SNX22: variants seen among roughly 807,000 people sequenced by gnomAD.
SNX22 encodes sorting nexin 22.
Under a neutral mutation model 24.7 loss-of-function variants are expected in SNX22, and 23 were observed. The observed-to-expected ratio is 0.93, with a 90% confidence interval of 0.67 to 1.32. SNX22 has a LOEUF of 1.32. SNX22 is among the 40% of genes most tolerant of loss of function. The pLI, the probability that SNX22 is intolerant of heterozygous loss-of-function variation, is 0.00. For missense variants in SNX22, 261 were observed against 249.9 expected (o/e 1.04, Z -0.30); for synonymous variants, 99 against 104.0 (o/e 0.95, Z 0.29).
Position 64,154,537 on chromosome 15 carries a change from A to C in SNX22, c.*29A>C. On this transcript the variant is annotated 3_prime_UTR_variant, in exon 7 of 7. Coordinates refer to ENST00000325881, the MANE Select transcript of SNX22 (RefSeq NM_024798.3). The stretch of plus-strand genomic sequence containing the variant: ...GTCCAGAGGCCTTTGGCTGCCTCCT[A>C]AGAAAGTCATGTGCCTCTGTCCTAT... The C allele has an allele frequency of 6.2e-7, 1 of 1,611,686 alleles. No homozygotes were observed. Among genetic ancestry groups the C allele is most frequent in the African/African-American group, 1.3e-5 (1 of 74,954 alleles).
Position 64,156,699 on chromosome 15 carries a change from T to C in SNX22, c.*2191T>C, listed in dbSNP as rs1333524040. 6.2e-7 allele frequency: 1 copy of C among 1,613,628 alleles called. No homozygotes were observed. The highest frequency in any genetic ancestry group is 1.3e-5 in the African/African-American group (1 of 74,896). On this transcript the variant is annotated 3_prime_UTR_variant, in exon 7 of 7. Coordinates refer to ENST00000325881, the MANE Select transcript of SNX22 (RefSeq NM_024798.3). The surrounding 1 kb of genome is among the most constrained non-coding windows in gnomAD (Gnocchi z 6.4). ...TGAATCCCCGGTGAGGATTGCCCAG[T>C]AGTAGCCCTTGCTTCCACAACTCAC...
Position 64,151,753 on chromosome 15 carries a change from G to T in SNX22, c.-23G>T. The T allele has an allele frequency of 6.5e-7, 1 of 1,529,150 alleles. No individual in the cohort carries two copies. The highest frequency in any genetic ancestry group is 2.6e-5 in the East Asian group (1 of 38,882). The allele number at this position is 1,529,150 out of a possible 1,614,324, so 94.7% of individuals were successfully genotyped here. A position where few individuals can be genotyped will look rare whatever the true frequency, so the allele number is the denominator to read the frequency against. Reference sequence around the variant, plus strand: ...GTTAGGGCTCCGAGCCGAGCGCGCGGAGCAGCTGGGGCCGGGGCGCGGATG... The same window carrying T: ...GTTAGGGCTCCGAGCCGAGCGCGCGTAGCAGCTGGGGCCGGGGCGCGGATG... On this transcript the variant is annotated 5_prime_UTR_variant, in exon 1 of 7. Coordinates refer to ENST00000325881, the MANE Select transcript of SNX22 (RefSeq NM_024798.3).
chr15:64,153,477 GAGGGGC>G, intron 4 of SNX22, 138 bp downstream of exon 4: 1 of 1,467,594 alleles, frequency 6.8e-7, no homozygotes, highest in Non-Finnish European at 9.2e-7. Flanking sequence ...GACCTGGGTG[GAGGGGC>G]TTTTTTTTGG....
chr15:64,152,520 C>T, intron 2 of SNX22, 118 bp from the exon 3 acceptor site: 6 of 1,254,896 alleles, frequency 4.8e-6, no homozygotes, highest in Non-Finnish European at 6.8e-6. Flanking sequence ...CCACCACTCA[C>T]CAGGGTCTGT....
chr15:64,152,760 T>TG lies in SNX22; in HGVS notation c.264+20dup, dbSNP rs768090616. ...ACATCCAGGTATGCGAGAGCACAGT[T>TG]GGTTGCCCCCCGGCCTTCTGTGCCA... On this transcript the variant is annotated intron_variant, in intron 3 of 6. Coordinates refer to ENST00000325881, the MANE Select transcript of SNX22 (RefSeq NM_024798.3). 13 of 1,611,180 alleles carry TG rather than the reference T, an allele frequency of 8.1e-6. No homozygotes were observed. The highest frequency in any genetic ancestry group is 1.1e-5 in the Non-Finnish European group (13 of 1,177,556).
rs1310226331 is a variant in SNX22, at chr15:64,156,989, C to T, written c.*2481C>T. 16 of 1,433,212 alleles carry T rather than the reference C, an allele frequency of 1.1e-5. No homozygotes were observed. The highest frequency in any genetic ancestry group is 1.6e-5 in the Non-Finnish European group (16 of 1,031,458). The allele number at this position is 1,433,212 out of a possible 1,614,324, so 88.8% of individuals were successfully genotyped here. A position where few individuals can be genotyped will look rare whatever the true frequency, so the allele number is the denominator to read the frequency against. ...ACATTCGGGGCCAGGACTGAGGGGG[C>T]TTAACCTGTCCTCTGTGCCAGGCTA... On this transcript the variant is annotated 3_prime_UTR_variant, in exon 7 of 7. Transcript: ENST00000325881. This position sits in a 1 kb window ranked among gnomAD's most constrained non-coding sequence, Gnocchi z 6.4.
At position 64,157,062 on chromosome 15, in the gene SNX22, C is replaced by G. The variant is rs2081538671; in HGVS notation, c.*2554C>G. 1 of 831,466 alleles carries G rather than the reference C, an allele frequency of 1.2e-6. No homozygotes were observed. The highest frequency in any genetic ancestry group is 2.7e-5 in the East Asian group (1 of 37,450). The allele number at this position is 831,466 out of a possible 1,614,324, so 51.5% of individuals were successfully genotyped here. ...ATAAAAGCAGCGTCCTTCCTATCTT[C>G]TGGCCTCAGAGCCAAGCCATGCTGA... On this transcript the variant is annotated 3_prime_UTR_variant, in exon 7 of 7. Coordinates refer to ENST00000325881, the MANE Select transcript of SNX22 (RefSeq NM_024798.3). This position sits in a 1 kb window ranked among gnomAD's most constrained non-coding sequence, Gnocchi z 4.2.
Position 64,154,641 on chromosome 15 carries a change from C to T in SNX22, c.*133C>T. 8.2e-7 allele frequency: 1 copy of T among 1,218,444 alleles called. No individual in the cohort carries two copies. The highest frequency in any genetic ancestry group is 1.6e-5 in the South Asian group (1 of 62,888). The allele number at this position is 1,218,444 out of a possible 1,614,324, so 75.5% of individuals were successfully genotyped here. On this transcript the variant is annotated 3_prime_UTR_variant, in exon 7 of 7. Coordinates refer to ENST00000325881, the MANE Select transcript of SNX22 (RefSeq NM_024798.3). The stretch of plus-strand genomic sequence containing the variant: ...CCAGTGCCCAGTTGTGCCACATTCC[C>T]ACTCAAGGCTCAGAACTTGGCTCGC...
In SNX22 at chr15:64,152,532, C is replaced by T. The variant is rs1289791003; in HGVS notation, c.160-106C>T. 6 of 1,287,990 alleles carry T rather than the reference C, an allele frequency of 4.7e-6. No individual in the cohort carries two copies. In the Middle Eastern group the frequency reaches 5.4e-4, roughly 116 times the overall value. 79.8% of individuals were successfully genotyped at this position (1,287,990 alleles called of 1,614,324 possible). A position where few individuals can be genotyped will look rare whatever the true frequency, so the allele number is the denominator to read the frequency against. On this transcript the variant is annotated intron_variant, in intron 2 of 6. Transcript: ENST00000325881. ...GGTCCACCACTCACCAGGGTCTGTC[C>T]CAGTAGAGCCCGAAGGCGGGGGCGC...
In SNX22 at chr15:64,156,831, G is replaced by T. The variant is rs921118137; in HGVS notation, c.*2323G>T. 9.3e-6 allele frequency: 15 copies of T among 1,614,158 alleles called. No individual in the cohort carries two copies. Among genetic ancestry groups the T allele is most frequent in the Non-Finnish European group, 1.3e-5 (15 of 1,180,020 alleles). On this transcript the variant is annotated 3_prime_UTR_variant, in exon 7 of 7. Coordinates refer to ENST00000325881, the MANE Select transcript of SNX22 (RefSeq NM_024798.3). This position sits in a 1 kb window ranked among gnomAD's most constrained non-coding sequence, Gnocchi z 6.4. ...GCCGTTGGTGTCTTTGCCTGCGTTG[G>T]CCATGCTCACCCAGCCAGGCCCGTA...
rs1410853266 is a variant in SNX22 at position 64,154,234 on chromosome 15, G to A, written c.461-153G>A. The A allele has an allele frequency of 3.8e-6, 6 of 1,579,678 alleles. No homozygotes were observed. In the African/African-American group the frequency reaches 8.1e-5, roughly 21 times the overall value. ...TTTACCAAGCTGATGTGAAAAGAAT[G>A]TGACCTGGGAATGCGGAGGCTTCAT... On this transcript the variant is annotated intron_variant, in intron 6 of 6. Transcript: ENST00000325881.
Position 64,152,339 on chromosome 15 carries a change from C to G in SNX22, c.159+13C>G, listed in dbSNP as rs938311848. On this transcript the variant is annotated intron_variant, in intron 2 of 6. Transcript: ENST00000325881. Reference sequence around the variant, plus strand: ...GCTGCACAAGCGGGTGAGGCGGCGCCGACCTCCCACCGGCCCCGGCCCAGC... The same window carrying G: ...GCTGCACAAGCGGGTGAGGCGGCGCGGACCTCCCACCGGCCCCGGCCCAGC... 6.6e-7 allele frequency: 1 copy of G among 1,506,508 alleles called. No individual in the cohort carries two copies. 93.3% of individuals were successfully genotyped at this position (1,506,508 alleles called of 1,614,324 possible).
At position 64,155,851 on chromosome 15, in the gene SNX22, T is replaced by G; in HGVS notation, c.*1343T>G. 2 of 897,708 alleles carry G rather than the reference T, an allele frequency of 2.2e-6. No individual in the cohort carries two copies. The highest frequency in any genetic ancestry group is 3.4e-6 in the Non-Finnish European group (2 of 586,476). 55.6% of individuals were successfully genotyped at this position (897,708 alleles called of 1,614,324 possible). On this transcript the variant is annotated 3_prime_UTR_variant, in exon 7 of 7. Transcript: ENST00000325881. ...AAAAAAAACCCACATTTTTTTTTAT[T>G]GGTCAGTGTTGGTAGGAGTTTGTTA...
In SNX22 at chr15:64,152,714, G is replaced by C. The variant is rs774931673; in HGVS notation, c.236G>C (p.Arg79Pro). ...TGGAGGACCAGAGGGTTGGAACAGC[G>C]CCGGCAGGGCTTGGAGGCTTACATC... ...PNWRTRGLEQ[R>P]RQGLEAYIQG... Residue 79 changes from arginine (R) to proline (P), a missense_variant, in exon 3 of 7, where the codon CGC (arginine) becomes CCC (proline). By Grantham distance (103) the Arg-to-Pro change is moderately radical. Transcript: ENST00000325881. The C allele has an allele frequency of 1.9e-6, 3 of 1,614,196 alleles. No homozygotes were observed. The Admixed American group carries it at 5.0e-5, about 27-fold the overall frequency.
At chr15:64,152,182 G>T in intron 1 of SNX22, 61 bp from the exon 2 acceptor site, 1 of 1,339,182 alleles carries the variant, frequency 7.5e-7, no homozygotes, top group Non-Finnish European at 9.6e-7. Flanking sequence ...CCAGGCGCAG[G>T]TGCTGCGGCG....
At chr15:64,153,880 G>T in intron 5 of SNX22, 55 bp from the exon 6 acceptor site, 2 of 1,595,400 alleles carry the variant, frequency 1.3e-6, no homozygotes, top group Non-Finnish European at 1.7e-6. Flanking sequence ...CCACCCCTCT[G>T]TGGGATTCTG....
rs2081531084 is a variant in SNX22 at position 64,156,315 on chromosome 15, G to A, written c.*1807G>A. The A allele has an allele frequency of 1.1e-6, 1 of 912,058 alleles. No individual in the cohort carries two copies. Among genetic ancestry groups the A allele is most frequent in the Non-Finnish European group, 1.7e-6 (1 of 581,358 alleles). The allele number at this position is 912,058 out of a possible 1,614,324, so 56.5% of individuals were successfully genotyped here. Reference sequence around the variant, plus strand: ...GACTCCTGGCCAGAGCAGGGAGAATGCAGATTTGACGAGGGGGTACAGGAA... The same window carrying A: ...GACTCCTGGCCAGAGCAGGGAGAATACAGATTTGACGAGGGGGTACAGGAA... On this transcript the variant is annotated 3_prime_UTR_variant, in exon 7 of 7. Coordinates refer to ENST00000325881, the MANE Select transcript of SNX22 (RefSeq NM_024798.3). This position sits in a 1 kb window ranked among gnomAD's most constrained non-coding sequence, Gnocchi z 6.4.
chr15:64,154,113 A>G (rs746102487), intron 6 of SNX22, 111 bp downstream of exon 6: 2 of 1,609,178 alleles, frequency 1.2e-6, no homozygotes, highest in South Asian at 2.2e-5. Flanking sequence ...CTCTGGAGCC[A>G]CTACCTCCTG....
chr15:64,153,983 T>C lies in SNX22; in HGVS notation c.441T>C (p.Tyr147=), dbSNP rs1257622779. 2 of 1,613,964 alleles carry C rather than the reference T, an allele frequency of 1.2e-6. No individual in the cohort carries two copies. The highest frequency in any genetic ancestry group is 2.2e-5 in the South Asian group (2 of 91,072). The change falls in exon 6 of 7, where the codon TAT becomes TAC. Residue 147 remains tyrosine (Y), a synonymous_variant. Coordinates refer to ENST00000325881, the MANE Select transcript of SNX22 (RefSeq NM_024798.3). ...RPVLSFHVDP[Y]VCNPSPESLP... ...TCCTGAGCTTCCATGTGGATCCCTA[T>C]GTTTGCAACCCCTCCCCAGGTGAGG...
Sources: gnomAD v4.1 joint callset for allele counts on GRCh38, gnomAD v4.1.1 for gene constraint, Gnocchi (gnomAD v3.1) non-coding constraint, MANE v1.5 for transcripts, NCBI Gene and HGNC (gene_info 2026-07-23, HGNC 2026-07-21) for gene names.